The following CSGALNACT1 variants were observed in gnomAD, a reference collection of about 807,000 sequenced individuals.
CSGALNACT1 encodes chondroitin sulfate N-acetylgalactosaminyltransferase 1.
Under a neutral mutation model 51.0 loss-of-function variants are expected in CSGALNACT1, and 52 were observed. The ratio of observed to expected loss-of-function variants is 1.02; its 90% confidence interval spans 0.82 to 1.29. CSGALNACT1 has a LOEUF of 1.29. Among genes scored for constraint, CSGALNACT1 ranks in the 50% most tolerant of loss-of-function variants. The pLI, the probability that CSGALNACT1 is intolerant of heterozygous loss-of-function variation, is 0.00. For synonymous variants in CSGALNACT1, 341 were observed against 254.4 expected, an observed-to-expected ratio of 1.34 and a Z score of -3.24; for missense variants, 935 against 679.2, an observed-to-expected ratio of 1.38 and a Z score of -4.19.
chr8:19,681,415 G>T (rs986367607), intron 1 of CSGALNACT1, among the ~76,000 whole-genome samples: 3 of 152,096 alleles, frequency 2.0e-5, no homozygotes, highest in Non-Finnish European at 4.4e-5. Flanking sequence ...CATCCCCATC[G>T]CTGGCTCCTC....
intron 3 of CSGALNACT1, among the ~76,000 whole-genome samples, chr8:19,521,658 CA>C (rs948958025): frequency 2.6e-5 from 4 of 151,188 alleles, no homozygotes; most frequent in Admixed American, 6.6e-5. Flanking sequence ...ACTCCGTCTC[CA>C]AAAAAAATAA....
rs138671569 is a variant in CSGALNACT1, at chr8:19,420,934, T to C, written c.954-416A>G. ...CACATTGCAATGGCCCCACTTAGCA[T>C]CTTTTCATCTGCATTCACATCCAGG... On this transcript the variant is annotated intron_variant, in intron 6 of 9. Coordinates refer to ENST00000454498, the Ensembl canonical transcript of CSGALNACT1. 1.1e-4 allele frequency among the ~76,000 whole-genome samples: 16 copies of C among 152,342 alleles called. No homozygotes were observed. The East Asian group carries it at 2.7e-3, about 26-fold the overall frequency.
chr8:19,620,201 G>C (rs376073992), intron 1 of CSGALNACT1, among the ~76,000 whole-genome samples: 82 of 150,964 alleles, frequency 5.4e-4, no homozygotes, highest in African/African-American at 1.9e-3. Flanking sequence ...TGTAAACCCA[G>C]TTACTCGGGA....
At chr8:19,673,404 T>C (rs1420096798) in intron 1 of CSGALNACT1, among the ~76,000 whole-genome samples, 1 of 152,100 alleles carries the variant, frequency 6.6e-6, no homozygotes, top group Non-Finnish European at 1.5e-5. Flanking sequence ...CAGCTCTTTA[T>C]CATTCATCAT....
chr8:19,458,564 C>T lies in CSGALNACT1; in HGVS notation c.713G>A (p.Arg238Gln), dbSNP rs201136162. 59 of 1,614,090 alleles carry T rather than the reference C, an allele frequency of 3.7e-5. No homozygotes were observed. Among genetic ancestry groups the T allele is most frequent in the Non-Finnish European group, 4.6e-5 (54 of 1,180,022 alleles). ...GCCGAATGGTCGAAATAAGATGAGC[C>T]GTTTGAATTCGTGTTTGTGGTCCCC... is the stretch of plus-strand genomic sequence containing the variant. Residue 238 changes from arginine to glutamine, a missense_variant, in exon 5 of 10, where the codon CGG (arginine) becomes CAG (glutamine). Arg to Gln is a conservative substitution (Grantham distance 43). Transcript: ENST00000454498.
chr8:19,564,750 T>C (rs779648640), intron 3 of CSGALNACT1, among the ~76,000 whole-genome samples: 35 of 152,356 alleles, frequency 2.3e-4, no homozygotes, highest in Admixed American at 3.9e-4. Flanking sequence ...CATTTCATTC[T>C]AATTCTCTGC....
At chr8:19,608,450 G>C (rs1238257800) in intron 1 of CSGALNACT1, among the ~76,000 whole-genome samples, 1 of 152,198 alleles carries the variant, frequency 6.6e-6, no homozygotes, top group East Asian at 1.9e-4. Context: ...GTATGGAACA[G>C]ACCATCTCCC....
rs1589769305 is a variant in CSGALNACT1, at chr8:19,738,582, C to A, written c.-297+19268G>T. Reference sequence around the variant, plus strand: ...TGATGGTTACATAACAACATGAATGCACTTAATGCCACTGAAATGTTCACC... The same window carrying A: ...TGATGGTTACATAACAACATGAATGAACTTAATGCCACTGAAATGTTCACC... On this transcript the variant is annotated intron_variant, in intron 1 of 1. Coordinates refer to the CSGALNACT1 transcript ENST00000517494. Among the ~76,000 whole-genome samples, 7 of 152,148 alleles carry A rather than the reference C, an allele frequency of 4.6e-5. No individual in the cohort carries two copies. In the East Asian group the frequency reaches 1.3e-3, roughly 29 times the overall value.
chr8:19,474,136 G>C (rs1262007245), intron 4 of CSGALNACT1, among the ~76,000 whole-genome samples: 1 of 152,062 alleles, frequency 6.6e-6, no homozygotes, highest in Non-Finnish European at 1.5e-5. Context: ...TGAGAGATAA[G>C]CTACGACCAA....
intron 5 of CSGALNACT1, among the ~76,000 whole-genome samples, chr8:19,455,949 GCCAC>G (rs1266545069): frequency 6.6e-6 from 1 of 152,114 alleles, no homozygotes; most frequent in African/African-American, 2.4e-5. Context: ...CAAGTCTTCC[GCCAC>G]CCATCCCTTC....
At chr8:19,487,905 TA>T (rs112991492) in intron 4 of CSGALNACT1, among the ~76,000 whole-genome samples, 23,698 of 151,972 alleles carry the variant, frequency 0.16, 2,008 homozygotes, top group Middle Eastern at 0.22. Flanking sequence ...CAAGATATGC[TA>T]AAAAAACTGT....
At chr8:19,543,464 CTGTT>C (rs1258875063) in intron 3 of CSGALNACT1, among the ~76,000 whole-genome samples, 9 of 152,200 alleles carry the variant, frequency 5.9e-5, no homozygotes, top group Admixed American at 3.3e-4. Context: ...TGTGCCTAGA[CTGTT>C]TGTAGAAACT....
At chr8:19,733,912 A>T (rs1309903124) in intron 1 of CSGALNACT1, among the ~76,000 whole-genome samples, 1 of 152,146 alleles carries the variant, frequency 6.6e-6, no homozygotes, top group Non-Finnish European at 1.5e-5. Flanking sequence ...AGAATTCATG[A>T]CCAAGCCCAG....
chr8:19,675,589 T>C (rs908322063), intron 1 of CSGALNACT1, among the ~76,000 whole-genome samples: 1 of 151,972 alleles, frequency 6.6e-6, no homozygotes, highest in Non-Finnish European at 1.5e-5. Context: ...GCCTCCTGAG[T>C]TCAAGTGATT....
chr8:19,670,536 T>C (rs1231121441), intron 1 of CSGALNACT1, among the ~76,000 whole-genome samples: 1 of 150,460 alleles, frequency 6.6e-6, no homozygotes, highest in Admixed American at 6.7e-5. Flanking sequence ...TCTTATGCCA[T>C]CTCTGAAGGG....
chr8:19,584,009 G>C (rs1228692901), intron 3 of CSGALNACT1, among the ~76,000 whole-genome samples: 2 of 152,098 alleles, frequency 1.3e-5, no homozygotes, highest in Non-Finnish European at 2.9e-5. Context: ...AGCACAAACT[G>C]GGCCACATCT....
chr8:19,649,344 A>G (rs371929784), intron 1 of CSGALNACT1, among the ~76,000 whole-genome samples: 3 of 152,298 alleles, frequency 2.0e-5, no homozygotes, highest in Non-Finnish European at 4.4e-5. Flanking sequence ...TGCTTGGCTA[A>G]AAGATGGAAA....
intron 5 of CSGALNACT1, among the ~76,000 whole-genome samples, chr8:19,448,309 T>C (rs538201646): frequency 6.6e-6 from 1 of 152,306 alleles, no homozygotes; most frequent in East Asian, 1.9e-4. Context: ...ATTATCCTCA[T>C]TGTAGGAAGA....
At chr8:19,650,556 G>A (rs143235264) in intron 1 of CSGALNACT1, among the ~76,000 whole-genome samples, 3 of 152,096 alleles carry the variant, frequency 2.0e-5, no homozygotes, top group Non-Finnish European at 2.9e-5. Flanking sequence ...AGCAATGGTC[G>A]AACAGAAGAT....
Sources: gnomAD v4.1 joint callset for allele counts (sites outside exome capture counted in the v4.1 genomes callset) on GRCh38, gnomAD v4.1.1 for gene constraint, MANE v1.5 for transcripts, NCBI Gene and HGNC (gene_info 2026-07-23, HGNC 2026-07-21) for gene names.